Variants in NXPH2 observed in about 807,000 individuals in gnomAD.
NXPH2 encodes the protein neurexophilin-2.
A neutral mutation model predicts 19.8 loss-of-function variants in NXPH2; 5 were observed. The observed-to-expected ratio is 0.25, with a 90% CI of 0.13 to 0.53. NXPH2 has a LOEUF of 0.53. Ranked by LOEUF, NXPH2 falls within the 20% of genes least tolerant of loss-of-function variation. The pLI is 0.96. For missense variants in NXPH2, 289 were observed against 322.8 expected (o/e 0.90, Z 0.80); for synonymous variants, 154 against 127.4 (o/e 1.21, Z -1.41).
chr2:138,724,208 T>C (rs1425297297), intron 1 of NXPH2, among the ~76,000 whole-genome samples: 1 of 152,240 alleles, frequency 6.6e-6, no homozygotes, highest in Admixed American at 6.5e-5. Context: ...TTTCTGTTCC[T>C]GTGTTAGTTC....
At chr2:138,725,656 A>C (rs1227341417) in intron 1 of NXPH2, among the ~76,000 whole-genome samples, 1 of 152,152 alleles carries the variant, frequency 6.6e-6, no homozygotes, top group Non-Finnish European at 1.5e-5. Flanking sequence ...TTTTATTCTT[A>C]AGTTTATCCC....
chr2:138,675,805 A>C (rs1046801735), intron 1 of NXPH2, among the ~76,000 whole-genome samples: 1 of 152,194 alleles, frequency 6.6e-6, no homozygotes, highest in Non-Finnish European at 1.5e-5. Flanking sequence ...GTTGAGGTCC[A>C]AACCTGTTCA....
chr2:138,736,192 G>GGGCTCCTATCTC (rs1302631265), intron 1 of NXPH2, among the ~76,000 whole-genome samples: 1 of 152,208 alleles, frequency 6.6e-6, no homozygotes, highest in Non-Finnish European at 1.5e-5. Flanking sequence ...TCCCAGTTGG[G>GGGCTCCTATCTC]ACTCTGTGTG....
chr2:138,670,780 T>A lies in NXPH2; in HGVS notation c.*142A>T, dbSNP rs537312896. Reference sequence around the variant, plus strand: ...ACACTTAAAGATGTCTCTTTTTCTTTTTTTAAATTTGAAAACCTGATAGGG... The same window carrying A: ...ACACTTAAAGATGTCTCTTTTTCTTATTTTAAATTTGAAAACCTGATAGGG... On this transcript the variant is annotated 3_prime_UTR_variant, in exon 2 of 2. Transcript: ENST00000272641. 1 of 859,428 alleles carries A rather than the reference T, an allele frequency of 1.2e-6. No individual in the cohort carries two copies. The highest frequency in any genetic ancestry group is 1.7e-6 in the Non-Finnish European group (1 of 596,698). 53.2% of individuals were successfully genotyped at this position (859,428 alleles called of 1,614,324 possible).
chr2:138,751,109 C>T (rs1681822577), intron 1 of NXPH2, among the ~76,000 whole-genome samples: 1 of 76,084 alleles, frequency 1.3e-5, no homozygotes, highest in Admixed American at 1.2e-4. Flanking sequence ...TAGAGACTTA[C>T]TGCTATTTTC....
Position 138,693,921 on chromosome 2 carries a change from A to T in NXPH2, c.52-22256T>A, listed in dbSNP as rs542434096. 3.3e-5 allele frequency among the ~76,000 whole-genome samples: 5 copies of T among 152,268 alleles called. No homozygotes were observed. The East Asian group carries it at 7.7e-4, about 24-fold the overall frequency. ...CCTGAAAAATTCCTGGGCAATCAAA[A>T]CCTGGTAGGCTTTAAAAATAGCCTT... On this transcript the variant is annotated intron_variant, in intron 1 of 1. Coordinates refer to ENST00000272641, the MANE Select transcript of NXPH2 (RefSeq NM_007226.3).
intron 1 of NXPH2, among the ~76,000 whole-genome samples, chr2:138,694,455 A>G (rs1275297722): frequency 6.6e-6 from 1 of 152,142 alleles, no homozygotes; most frequent in African/African-American, 2.4e-5. Context: ...GACTCTGTGA[A>G]GACAGAGACA....
At chr2:138,745,688 G>A (rs1681719501) in intron 1 of NXPH2, among the ~76,000 whole-genome samples, 2 of 152,078 alleles carry the variant, frequency 1.3e-5, no homozygotes, top group Admixed American at 1.3e-4. Flanking sequence ...AAGACATTAT[G>A]TTTTAAAATG....
At chr2:138,754,171 T>A (rs1278817093) in intron 1 of NXPH2, among the ~76,000 whole-genome samples, 1 of 152,058 alleles carries the variant, frequency 6.6e-6, no homozygotes, top group Admixed American at 6.6e-5. Flanking sequence ...CATCCTGAAA[T>A]CCCCCAGCCT....
rs565922971 is a variant in NXPH2 at position 138,743,180 on chromosome 2, C to T, written c.51+37011G>A. Reference sequence around the variant, plus strand: ...AAAGGCAGTTAGCCTGCATTAATTACATACAAGGAGAAATGGATTTACATA... The same window carrying T: ...AAAGGCAGTTAGCCTGCATTAATTATATACAAGGAGAAATGGATTTACATA... On this transcript the variant is annotated intron_variant, in intron 1 of 1. Transcript: ENST00000272641. 1.6e-4 allele frequency among the ~76,000 whole-genome samples: 24 copies of T among 152,278 alleles called. No homozygotes were observed. In the South Asian group the frequency reaches 2.5e-3, roughly 16 times the overall value.
At chr2:138,681,190 A>G (rs1680575417) in intron 1 of NXPH2, among the ~76,000 whole-genome samples, 1 of 150,196 alleles carries the variant, frequency 6.7e-6, no homozygotes, top group Non-Finnish European at 1.5e-5. Flanking sequence ...TTAGGTAACT[A>G]TGGATTAAAA....
At chr2:138,748,709 G>A (rs1287573144) in intron 1 of NXPH2, among the ~76,000 whole-genome samples, 1 of 151,888 alleles carries the variant, frequency 6.6e-6, no homozygotes, top group African/African-American at 2.4e-5. Flanking sequence ...AATAGTAAAA[G>A]AAGAAGCTTC....
chr2:138,737,315 C>T (rs1681565728), intron 1 of NXPH2, among the ~76,000 whole-genome samples: 1 of 152,156 alleles, frequency 6.6e-6, no homozygotes, highest in South Asian at 2.1e-4. Flanking sequence ...CAAGGAGGAG[C>T]AAGTCACATC....
At chr2:138,764,978 T>C (rs1206187389) in intron 1 of NXPH2, among the ~76,000 whole-genome samples, 2 of 152,244 alleles carry the variant, frequency 1.3e-5, no homozygotes, top group African/African-American at 2.4e-5. Context: ...CCATTTCCTA[T>C]ATTAACCTTT....
intron 1 of NXPH2, among the ~76,000 whole-genome samples, chr2:138,735,347 G>C (rs775778395): frequency 1.3e-5 from 2 of 152,108 alleles, no homozygotes; most frequent in Non-Finnish European, 2.9e-5. Context: ...GGTTTGGGGA[G>C]GCCTCACAGT....
intron 1 of NXPH2, among the ~76,000 whole-genome samples, chr2:138,722,119 G>A (rs2104994365): frequency 6.6e-6 from 1 of 152,254 alleles, no homozygotes; most frequent in Admixed American, 6.5e-5. Flanking sequence ...TTCACTAGTA[G>A]AAGTAGACAG....
intron 1 of NXPH2, among the ~76,000 whole-genome samples, chr2:138,744,368 T>C (rs1191618634): frequency 6.6e-6 from 1 of 152,172 alleles, no homozygotes; most frequent in Non-Finnish European, 1.5e-5. Context: ...GACAAGGCTT[T>C]TCCAGAGGGA....
intron 1 of NXPH2, among the ~76,000 whole-genome samples, chr2:138,719,620 A>C (rs192167298): frequency 1.4e-3 from 212 of 152,308 alleles, no homozygotes; most frequent in African/African-American, 4.9e-3. Context: ...GTAATCCCAG[A>C]ACTTTGGGAG....
chr2:138,671,864 T>C (rs893180536), intron 1 of NXPH2, among the ~76,000 whole-genome samples, 199 bp from the exon 2 acceptor site: 9 of 152,136 alleles, frequency 5.9e-5, no homozygotes, highest in African/African-American at 2.2e-4. Context: ...AGTATGAAAA[T>C]TAAAAATGGT....
Sources: gnomAD v4.1 joint callset for allele counts (sites outside exome capture counted in the v4.1 genomes callset) on GRCh38, gnomAD v4.1.1 for gene constraint, MANE v1.5 for transcripts, NCBI Gene and HGNC (gene_info 2026-07-23, HGNC 2026-07-21) for gene names.